Variants in DZIP1 observed in about 807,000 individuals in gnomAD.
The protein encoded by DZIP1 is cilium assembly protein DZIP1.
In DZIP1, 97 loss-of-function variants were observed where a neutral mutation model predicts 107.6. The observed-to-expected ratio is 0.90, with a 90% CI of 0.77 to 1.07. The LOEUF is 1.07. Among genes scored for constraint, DZIP1 ranks in the 50% least tolerant of loss-of-function variants. The pLI is 0.00. For synonymous variants in DZIP1, 390 were observed against 386.4 expected, an observed-to-expected ratio of 1.01 and a Z score of -0.11; for missense variants, 1,035 against 1,063.6, an observed-to-expected ratio of 0.97 and a Z score of 0.37.
At chr13:95,597,398 T>C (rs921107802) in intron 15 of DZIP1, among the ~76,000 whole-genome samples, 11 of 152,232 alleles carry the variant, frequency 7.2e-5, no homozygotes, top group African/African-American at 2.7e-4. Context: ...GTAAATGATA[T>C]GTATGTAGGA....
rs1408415305 is a variant in DZIP1 at position 95,579,495 on chromosome 13, C to G, written c.*2739G>C. On this transcript the variant is annotated 3_prime_UTR_variant, in exon 23 of 23. Coordinates refer to ENST00000376829, the MANE Select transcript of DZIP1 (RefSeq NM_198968.4). ...GAAAACAGAGAGCTTAAATAATTTG[C>G]CACAGTAATGTCGAAACTAGGCCTT... 1 of 152,142 alleles carries G rather than the reference C, an allele frequency of 6.6e-6. No individual in the cohort carries two copies. The highest frequency in any genetic ancestry group is 1.5e-5 in the Non-Finnish European group (1 of 68,036). 9.4% of individuals were successfully genotyped at this position (152,142 alleles called of 1,614,324 possible).
intron 14 of DZIP1, among the ~76,000 whole-genome samples, chr13:95,600,266 G>C (rs2044573368): frequency 6.6e-6 from 1 of 152,164 alleles, no homozygotes; most frequent in African/African-American, 2.4e-5. Context: ...AACCAGCAAA[G>C]TTGGTGCATG....
chr13:95,631,608 C>A (rs562018893), intron 6 of DZIP1, among the ~76,000 whole-genome samples: 3 of 152,152 alleles, frequency 2.0e-5, no homozygotes, highest in Non-Finnish European at 4.4e-5. Flanking sequence ...AAACCTGGCT[C>A]CTTGGTAAGC....
At chr13:95,619,227 T>C (rs1239426630) in intron 10 of DZIP1, among the ~76,000 whole-genome samples, 1 of 152,194 alleles carries the variant, frequency 6.6e-6, no homozygotes, top group African/African-American at 2.4e-5. Context: ...ATATATAAAG[T>C]GAAAAGTGTA....
In DZIP1 at chr13:95,641,984, C is replaced by G. The variant is rs766582852; in HGVS notation, c.36+10G>C. 7.0e-6 allele frequency: 11 copies of G among 1,577,812 alleles called. No homozygotes were observed. The highest frequency in any genetic ancestry group is 9.4e-6 in the Non-Finnish European group (11 of 1,167,306). ...CCCCGTCGGGGGCGCCCCGGCCTCCCGCCTCTTACCATGCTTGAAAACCAA... is the reference window on the plus strand; with the variant it reads ...CCCCGTCGGGGGCGCCCCGGCCTCCGGCCTCTTACCATGCTTGAAAACCAA... On this transcript the variant is annotated intron_variant, in intron 4 of 22. Coordinates refer to ENST00000376829, the MANE Select transcript of DZIP1 (RefSeq NM_198968.4). The surrounding 1 kb of genome is among the most constrained non-coding windows in gnomAD (Gnocchi z 4.3).
At position 95,642,074 on chromosome 13, in the gene DZIP1, G is replaced by A; in HGVS notation, c.-45C>T. ...TTACCCAGCCTGGGCCGCCTCCCGGGCCGCCGCCGCCACAGCCCTCAGGAG... is the reference window on the plus strand; with the variant it reads ...TTACCCAGCCTGGGCCGCCTCCCGGACCGCCGCCGCCACAGCCCTCAGGAG... On this transcript the variant is annotated 5_prime_UTR_variant, in exon 4 of 23. Coordinates refer to ENST00000376829, the MANE Select transcript of DZIP1 (RefSeq NM_198968.4). The A allele has an allele frequency of 6.7e-7, 1 of 1,487,344 alleles. No homozygotes were observed. The highest frequency in any genetic ancestry group is 8.9e-7 in the Non-Finnish European group (1 of 1,128,406). The allele number at this position is 1,487,344 out of a possible 1,614,324, so 92.1% of individuals were successfully genotyped here. A position where few individuals can be genotyped will look rare whatever the true frequency, so the allele number is the denominator to read the frequency against.
chr13:95,642,346 G>C (rs1878635380), intron 3 of DZIP1, 105 bp from the exon 4 acceptor site: 1 of 324,062 alleles, frequency 3.1e-6, no homozygotes, highest in African/African-American at 2.1e-5. Context: ...CACCCTCCCT[G>C]GCGTTTGGGG....
chr13:95,614,102 G>T (rs138676849), intron 10 of DZIP1, among the ~76,000 whole-genome samples: 1 of 144,988 alleles, frequency 6.9e-6, no homozygotes. Context: ...CTGTAGCCCC[G>T]GTGACAGAGT....
chr13:95,586,858 T>C (rs1480095869), intron 20 of DZIP1, among the ~76,000 whole-genome samples: 2 of 152,156 alleles, frequency 1.3e-5, no homozygotes, highest in Non-Finnish European at 2.9e-5. Context: ...ATATTTGCAG[T>C]GACAGGCTAA....
intron 5 of DZIP1, among the ~76,000 whole-genome samples, chr13:95,636,543 C>CAAAAAAAAA (rs58289509): frequency 8.5e-6 from 1 of 118,226 alleles, no homozygotes; most frequent in East Asian, 2.4e-4. Context: ...GACCTTGACT[C>CAAAAAAAAA]AAAAAAAAAA....
rs1282777866 is a variant in DZIP1 at position 95,641,506 on chromosome 13, T to C, written c.386A>G (p.Glu129Gly). The C allele has an allele frequency of 1.9e-6, 3 of 1,613,976 alleles. No homozygotes were observed. The East Asian group carries it at 6.7e-5, about 36-fold the overall frequency. Residue 129 changes from glutamate (E) to glycine (G), a missense_variant, in exon 5 of 23, where the codon GAG (glutamate) becomes GGG (glycine). Transcript: ENST00000376829. The surrounding 1 kb of genome is among the most constrained non-coding windows in gnomAD (Gnocchi z 4.3). ...KLIRLAQFTI[E>G]YLLHSQEFLT... is the part of the protein sequence containing the mutation. ...GAACTCTTGTGAGTGCAGCAAGTAC[T>C]CGATGGTGAACTGCGCCAGACGGAT...
At chr13:95,631,558 C>T (rs543405111) in intron 6 of DZIP1, among the ~76,000 whole-genome samples, 22 of 152,174 alleles carry the variant, frequency 1.4e-4, no homozygotes, top group African/African-American at 4.8e-4. Context: ...GGAGAAAGAG[C>T]CCTTACATTC....
chr13:95,622,341 A>G lies in DZIP1; in HGVS notation c.1110+2T>C, dbSNP rs778071655. ...CTGCAGCTGTCACCCACTTGCACGTACCTGACTATCAAGAAGCTGCATGAC... is the reference window on the plus strand; with the variant it reads ...CTGCAGCTGTCACCCACTTGCACGTGCCTGACTATCAAGAAGCTGCATGAC... On this transcript the variant is annotated splice_donor_variant, in intron 9 of 22. Transcript: ENST00000376829. LOFTEE classifies it high-confidence loss of function. 1 of 1,614,194 alleles carries G rather than the reference A, an allele frequency of 6.2e-7. No individual in the cohort carries two copies. The highest frequency in any genetic ancestry group is 1.7e-5 in the Admixed American group (1 of 60,014).
At chr13:95,590,565 G>T in intron 16 of DZIP1, 124 bp from the exon 17 acceptor site, 2 of 972,610 alleles carry the variant, frequency 2.1e-6, no homozygotes, top group Non-Finnish European at 3.0e-6. Flanking sequence ...TGTGTAGAGG[G>T]TAAGGGTGCC....
At chr13:95,586,360 T>G (rs752805689) in intron 20 of DZIP1, among the ~76,000 whole-genome samples, 8 of 152,176 alleles carry the variant, frequency 5.3e-5, no homozygotes, top group Non-Finnish European at 1.0e-4. Flanking sequence ...CATTTTCATT[T>G]TATTTAGTTA....
intron 15 of DZIP1, among the ~76,000 whole-genome samples, chr13:95,597,512 GA>G (rs1449353146): frequency 1.3e-5 from 2 of 152,184 alleles, no homozygotes; most frequent in Admixed American, 6.5e-5. Context: ...AGGGATGGTT[GA>G]AAATCACTTA....
chr13:95,617,680 C>T lies in DZIP1; in HGVS notation c.1173+2205G>A, dbSNP rs1332715490. On this transcript the variant is annotated intron_variant, in intron 10 of 22. Transcript: ENST00000376829. ...CATCATAGCTGGAAAGAGGAGGTTCCGAAAGGCAGGGGGTGGGGCGGGGGG... is the reference window on the plus strand; with the variant it reads ...CATCATAGCTGGAAAGAGGAGGTTCTGAAAGGCAGGGGGTGGGGCGGGGGG... 4.0e-5 allele frequency among the ~76,000 whole-genome samples: 5 copies of T among 124,546 alleles called. No individual in the cohort carries two copies. The Admixed American group carries it at 5.4e-4, about 13-fold the overall frequency. 81.7% of individuals were successfully genotyped at this position (124,546 alleles called of 152,430 possible). A position where few individuals can be genotyped will look rare whatever the true frequency, so the allele number is the denominator to read the frequency against.
intron 16 of DZIP1, among the ~76,000 whole-genome samples, chr13:95,592,943 C>A (rs1357530306): frequency 6.6e-6 from 1 of 152,104 alleles, no homozygotes; most frequent in African/African-American, 2.4e-5. Context: ...CCTTTCCCTC[C>A]GATTGGGAAG....
intron 5 of DZIP1, among the ~76,000 whole-genome samples, chr13:95,634,842 T>G (rs979756400): frequency 3.9e-5 from 6 of 152,246 alleles, no homozygotes; most frequent in Non-Finnish European, 7.3e-5. Flanking sequence ...ATTTGATTAT[T>G]TTTCCCTAAT....
Sources: gnomAD v4.1 joint callset for allele counts (sites outside exome capture counted in the v4.1 genomes callset) on GRCh38, gnomAD v4.1.1 for gene constraint, Gnocchi (gnomAD v3.1) non-coding constraint, MANE v1.5 for transcripts, NCBI Gene and HGNC (gene_info 2026-07-23, HGNC 2026-07-21) for gene names.